Variants in CDC5L observed in about 807,000 individuals in gnomAD.
CDC5L encodes the protein cell division cycle 5-like protein.
Under a neutral mutation model 104.1 loss-of-function variants are expected in CDC5L, and 18 were observed. That is an observed-to-expected ratio of 0.17 (90% confidence interval 0.12 to 0.26). CDC5L has a LOEUF of 0.26. Ranked by LOEUF, CDC5L falls within the 10% of genes least tolerant of loss-of-function variation. The pLI, the probability that CDC5L is intolerant of heterozygous loss-of-function variation, is 1.00. For missense variants in CDC5L, 673 were observed against 956.9 expected, an observed-to-expected ratio of 0.70 and a Z score of 3.91; for synonymous variants, 331 against 322.7, an observed-to-expected ratio of 1.03 and a Z score of -0.28.
At chr6:44,414,062 A>C (rs1791788208) in intron 8 of CDC5L, among the ~76,000 whole-genome samples, 1 of 151,798 alleles carries the variant, frequency 6.6e-6, no homozygotes, top group Non-Finnish European at 1.5e-5. Context: ...TCATGTGCTT[A>C]TTGGTTATTT....
chr6:44,449,521 A>G lies in CDC5L; in HGVS notation c.*2810A>G, dbSNP rs1793570887. 1 of 152,112 alleles carries G rather than the reference A, an allele frequency of 6.6e-6. No individual in the cohort carries two copies. The highest frequency in any genetic ancestry group is 6.5e-5 in the Admixed American group (1 of 15,276). 9.4% of individuals were successfully genotyped at this position (152,112 alleles called of 1,614,324 possible). On this transcript the variant is annotated 3_prime_UTR_variant, in exon 16 of 16. Coordinates refer to ENST00000371477, the MANE Select transcript of CDC5L (RefSeq NM_001253.4). ...AAATAATAATAAAAATAACATTCAC[A>G]TTGGTATTGTTCACTAAGGTATTGG...
chr6:44,388,675 C>CTTTT (rs975766196), intron 1 of CDC5L, among the ~76,000 whole-genome samples: 1 of 131,036 alleles, frequency 7.6e-6, no homozygotes, highest in Non-Finnish European at 1.7e-5. Context: ...TTTATGGCTT[C>CTTTT]TTTTTTTTTT....
chr6:44,446,657 A>C lies in CDC5L; in HGVS notation c.2355A>C (p.Gln785His). The C allele has an allele frequency of 1.3e-6, 2 of 1,597,810 alleles. No individual in the cohort carries two copies. Among genetic ancestry groups the C allele is most frequent in the Non-Finnish European group, 1.7e-6 (2 of 1,172,684 alleles). Residue 785 changes from glutamine (Q) to histidine (H), a missense_variant, in exon 16 of 16, where the codon CAA becomes CAC. By Grantham distance (24) the Gln-to-His change is conservative. This residue lies in a region of CDC5L where 578 missense variants were observed against 737.0 expected (regional missense o/e 0.78). Transcript: ENST00000371477. ...AACAAGAAAGAGAAAAGGAACTTCAACATAGATATGCTGATTTGCTGCTGG... is the reference window on the plus strand; with the variant it reads ...AACAAGAAAGAGAAAAGGAACTTCACCATAGATATGCTGATTTGCTGCTGG... Reference protein sequence around the residue: ...QRQQEREKELQHRYADLLLEK... With the variant: ...QRQQEREKELHHRYADLLLEK...
intron 8 of CDC5L, among the ~76,000 whole-genome samples, chr6:44,416,215 G>A (rs1182824283): frequency 6.6e-6 from 1 of 152,166 alleles, no homozygotes; most frequent in African/African-American, 2.4e-5. Flanking sequence ...ACAGTTATGG[G>A]AAAAGCAGGG....
chr6:44,412,869 G>C (rs12207528), intron 8 of CDC5L, among the ~76,000 whole-genome samples: 4 of 141,034 alleles, frequency 2.8e-5, no homozygotes, highest in East Asian at 2.2e-4. Context: ...TGCAAGCTCC[G>C]CCTCCCGGGT....
At chr6:44,390,194 A>G (rs1790526322) in intron 1 of CDC5L, 74 bp from the exon 2 acceptor site, 7 of 856,936 alleles carry the variant, frequency 8.2e-6, no homozygotes, top group Non-Finnish European at 1.4e-5. Context: ...TAGCCCTATC[A>G]GAGTTAATTT....
At chr6:44,396,208 A>G in intron 4 of CDC5L, 133 bp from the exon 5 acceptor site, 1 of 521,614 alleles carries the variant, frequency 1.9e-6, no homozygotes, top group Non-Finnish European at 3.4e-6. Context: ...TGTTTCCATT[A>G]TGCTACACCA....
intron 6 of CDC5L, among the ~76,000 whole-genome samples, chr6:44,405,544 A>T (rs1163300855): frequency 6.6e-6 from 1 of 152,210 alleles, no homozygotes; most frequent in African/African-American, 2.4e-5. Context: ...CAGCCTTTTT[A>T]AAAAAGTTGT....
At chr6:44,445,978 C>A in intron 15 of CDC5L, 111 bp downstream of exon 15, 1 of 838,732 alleles carries the variant, frequency 1.2e-6, no homozygotes, top group Non-Finnish European at 1.9e-6. Flanking sequence ...TACTGTCAGG[C>A]TTTTAAAAAT....
At chr6:44,388,738 C>T (rs141987429) in intron 1 of CDC5L, among the ~76,000 whole-genome samples, 69 of 147,144 alleles carry the variant, frequency 4.7e-4, no homozygotes, top group African/African-American at 1.4e-3. Context: ...GATCATCCTT[C>T]AAACCTAGTT....
chr6:44,401,313 C>T (rs1183390224), intron 5 of CDC5L, among the ~76,000 whole-genome samples: 3 of 2,212 alleles, frequency 1.4e-3, no homozygotes, highest in Non-Finnish European at 0.017. Flanking sequence ...CCTCCCCGTC[C>T]GTCCGCCCGC....
At chr6:44,400,319 G>A (rs1791063184) in intron 5 of CDC5L, among the ~76,000 whole-genome samples, 1 of 152,170 alleles carries the variant, frequency 6.6e-6, no homozygotes, top group African/African-American at 2.4e-5. Flanking sequence ...ATGATATACT[G>A]TAGCAATTTT....
At chr6:44,411,025 CTT>C (rs963018058) in intron 8 of CDC5L, among the ~76,000 whole-genome samples, 8 of 150,752 alleles carry the variant, frequency 5.3e-5, no homozygotes, top group African/African-American at 1.9e-4. Context: ...TTTACCATCT[CTT>C]ATTTCATGAG....
chr6:44,429,100 C>T (rs1025416621), intron 13 of CDC5L, among the ~76,000 whole-genome samples: 1 of 148,366 alleles, frequency 6.7e-6, no homozygotes, highest in African/African-American at 2.5e-5. Flanking sequence ...CAGCTCACTG[C>T]AGCCTCCACC....
At chr6:44,414,049 A>G (rs1234968732) in intron 8 of CDC5L, among the ~76,000 whole-genome samples, 1 of 152,006 alleles carries the variant, frequency 6.6e-6, no homozygotes, top group African/African-American at 2.4e-5. Context: ...AGCTAATGAC[A>G]TTTCATGTGC....
At chr6:44,424,873 TC>T (rs1213488430) in intron 11 of CDC5L, among the ~76,000 whole-genome samples, 1 of 152,178 alleles carries the variant, frequency 6.6e-6, no homozygotes, top group African/African-American at 2.4e-5. Flanking sequence ...AGACATTGCT[TC>T]AATCTAGCAA....
intron 15 of CDC5L, 115 bp downstream of exon 15, chr6:44,445,982 T>A: frequency 1.3e-6 from 1 of 790,892 alleles, no homozygotes; most frequent in Non-Finnish European, 2.0e-6. Flanking sequence ...GTCAGGCTTT[T>A]AAAAATGAGA....
intron 5 of CDC5L, among the ~76,000 whole-genome samples, chr6:44,397,098 C>T (rs9462989): frequency 0.71 from 108,029 of 152,114 alleles, 40,168 homozygotes; most frequent in Non-Finnish European, 0.85. Flanking sequence ...ACCTTCAGCC[C>T]TTCTCCCCTC....
At chr6:44,445,946 T>A (rs557225512) in intron 15 of CDC5L, 79 bp downstream of exon 15, 15 of 1,077,948 alleles carry the variant, frequency 1.4e-5, no homozygotes, top group Middle Eastern at 2.2e-4. Context: ...ACTTCTCCTA[T>A]GTAGACTGTC....
Sources: gnomAD v4.1 joint callset for allele counts (sites outside exome capture counted in the v4.1 genomes callset) on GRCh38, gnomAD v4.1.1 for gene constraint, gnomAD v4.1.1 regional missense constraint, MANE v1.5 for transcripts, NCBI Gene and HGNC (gene_info 2026-07-23, HGNC 2026-07-21) for gene names.